OVCH2: variants seen among roughly 807,000 people sequenced by gnomAD.
The protein encoded by OVCH2 is ovochymase 2, also known as ovochymase-2.
In OVCH2, 88 loss-of-function variants were observed where a neutral mutation model predicts 73.7. The ratio of observed to expected loss-of-function variants is 1.19; its 90% CI spans 1.01 to 1.43. The LOEUF is 1.43. Ranked by LOEUF, OVCH2 falls within the 40% of genes most tolerant of loss-of-function variation. The probability of loss-of-function intolerance (pLI) is 0.00; values close to 1 mark genes in which losing one functional copy is unlikely to be tolerated. For synonymous variants in OVCH2, 265 were observed against 234.5 expected (o/e 1.13, Z -1.19); for missense variants, 706 against 674.5 (o/e 1.05, Z -0.52).
At chr11:7,695,468 T>C in intron 11 of OVCH2, 102 bp downstream of exon 11, 1 of 1,189,628 alleles carries the variant, frequency 8.4e-7, no homozygotes, top group South Asian at 1.5e-5. Context: ...TGGAGTCAGT[T>C]GGGCCTTGGG....
chr11:7,683,362 T>G, the OVCH2 span, among the ~76,000 whole-genome samples: 2 of 152,152 alleles, frequency 1.3e-5, no homozygotes, highest in East Asian at 1.9e-4. Context: ...TTGACATCTC[T>G]CTTTCACACC....
intron 7 of OVCH2, chr11:7,700,044 A>G: frequency 2.4e-6 from 1 of 422,544 alleles, no homozygotes; most frequent in Non-Finnish European, 4.2e-6. Context: ...GATAGTTTCA[A>G]TTAAAGGCCA....
downstream of OVCH2, among the ~76,000 whole-genome samples, chr11:7,684,487 T>TATATATATATAC (rs148272247): frequency 2.8e-5 from 4 of 143,426 alleles, no homozygotes; most frequent in East Asian, 2.0e-4. Context: ...TATATATATA[T>TATATATATATAC]ACACACACAT....
At position 7,695,722 on chromosome 11, in the gene OVCH2, G is replaced by GA. The variant is rs1016256057; in HGVS notation, c.1142-13dup. 1.3e-6 allele frequency: 2 copies of GA among 1,588,668 alleles called. No homozygotes were observed. Among genetic ancestry groups the GA allele is most frequent in the Non-Finnish European group, 1.7e-6 (2 of 1,173,014 alleles). On this transcript the variant is annotated splice_polypyrimidine_tract_variant and intron_variant, in intron 10 of 15. Coordinates refer to ENST00000533663, the MANE Select transcript of OVCH2 (RefSeq NM_198185.7). ...TCCACAAAATTTTCCTGCAGGATGA[G>GA]AAAAAAGGATTCTTTGTTCAGAATC...
the OVCH2 span, among the ~76,000 whole-genome samples, chr11:7,679,495 TAGTG>T: frequency 2.2e-3 from 330 of 152,320 alleles, 2 homozygotes; most frequent in African/African-American, 7.4e-3. Context: ...GTTCTCATAA[TAGTG>T]AGTGAGTTCT....
chr11:7,689,428 C>T (rs532751723), downstream of OVCH2: 10 of 295,704 alleles, frequency 3.4e-5, 1 homozygote, highest in South Asian at 2.6e-4. Flanking sequence ...CAAAGTACCA[C>T]AAACTAGGTG....
intron 11 of OVCH2, among the ~76,000 whole-genome samples, 186 bp downstream of exon 11, chr11:7,695,384 G>A (rs1376787590): frequency 6.6e-6 from 1 of 152,176 alleles, no homozygotes; most frequent in Non-Finnish European, 1.5e-5. Flanking sequence ...ATCACTACGA[G>A]CTAGCAGGGT....
chr11:7,680,382 C>G, the OVCH2 span, among the ~76,000 whole-genome samples: 1 of 152,058 alleles, frequency 6.6e-6, no homozygotes. Flanking sequence ...AGGGAAAGAA[C>G]AGGACAAACA....
rs1425482120 is a variant in OVCH2, at chr11:7,702,239, G to A, written c.381C>T (p.Val127=). 3 of 1,612,724 alleles carry A rather than the reference G, an allele frequency of 1.9e-6. No individual in the cohort carries two copies. The highest frequency in any genetic ancestry group is 2.2e-5 in the East Asian group (1 of 44,864). ...PGEQTLTIET[V]IIHPHFSTKK... Reference sequence around the variant, plus strand: ...TGGTGGAGAAATGTGGATGTATGATGACAGTTTCAATAGTGAGAGTTTGCT... The same window carrying A: ...TGGTGGAGAAATGTGGATGTATGATAACAGTTTCAATAGTGAGAGTTTGCT... The change falls in exon 4 of 16, where the codon GTC becomes GTT. Residue 127 remains valine (V), a synonymous_variant. Coordinates refer to ENST00000533663, the MANE Select transcript of OVCH2 (RefSeq NM_198185.7).
At chr11:7,689,891 T>A (rs1182138166) in intron 15 of OVCH2, 33 bp downstream of exon 15, 2 of 1,241,946 alleles carry the variant, frequency 1.6e-6, no homozygotes, top group African/African-American at 3.0e-5. Context: ...GATTATACTC[T>A]GTGTGTATCA....
chr11:7,684,512 G>GCA, downstream of OVCH2, among the ~76,000 whole-genome samples: 1 of 94,298 alleles, frequency 1.1e-5, no homozygotes, highest in African/African-American at 6.4e-5. Context: ...ACATATGTGT[G>GCA]TGTGTGTGTG....
the OVCH2 span, among the ~76,000 whole-genome samples, chr11:7,682,119 T>C: frequency 1.9e-4 from 29 of 152,354 alleles, no homozygotes; most frequent in Admixed American, 3.9e-4. Context: ...TAGAGCTATA[T>C]AGTTTATAAA....
intron 5 of OVCH2, 38 bp from the exon 6 acceptor site, chr11:7,701,513 T>C: frequency 6.3e-7 from 1 of 1,592,140 alleles, no homozygotes; most frequent in Non-Finnish European, 8.5e-7. Context: ...GCAGGAACTC[T>C]TTCACCCTTT....
intron 8 of OVCH2, among the ~76,000 whole-genome samples, chr11:7,698,068 T>C (rs1255088537): frequency 6.6e-6 from 1 of 152,224 alleles, no homozygotes; most frequent in Non-Finnish European, 1.5e-5. Context: ...TTCCTTGAGC[T>C]GGAATATTTT....
chr11:7,683,606 G>A, the OVCH2 span, among the ~76,000 whole-genome samples: 4 of 152,096 alleles, frequency 2.6e-5, no homozygotes, highest in East Asian at 7.7e-4. Context: ...TCCATTTGAT[G>A]TCATCCCATT....
In OVCH2 at chr11:7,696,525, C is replaced by T; in HGVS notation, c.1081G>A (p.Asp361Asn). ...TAACTGTGGTGACAAGACTCAACAT[C>T]TAGGTGGGAAAAACTGAGCAACACA... ...MHVLLSFSHLDVESCHHSYLS... is the reference protein window; with the variant it reads ...MHVLLSFSHLNVESCHHSYLS... Residue 361 changes from aspartate (D) to asparagine (N), a missense_variant, in exon 10 of 16, where the codon GAT (aspartate) becomes AAT (asparagine). Transcript: ENST00000533663. The T allele has an allele frequency of 6.2e-7, 1 of 1,613,992 alleles. No individual in the cohort carries two copies. Among genetic ancestry groups the T allele is most frequent in the South Asian group, 1.1e-5 (1 of 91,082 alleles).
chr11:7,703,930 C>G, intron 2 of OVCH2, 141 bp from the exon 3 acceptor site: 1 of 708,226 alleles, frequency 1.4e-6, no homozygotes, highest in Non-Finnish European at 2.4e-6. Context: ...AAGATAAAGC[C>G]CAGACACTAC....
chr11:7,684,304 T>C, the OVCH2 span, among the ~76,000 whole-genome samples: 1 of 152,036 alleles, frequency 6.6e-6, no homozygotes, highest in Non-Finnish European at 1.5e-5. Flanking sequence ...CACCAGACTT[T>C]GTGTTTGCAT....
At chr11:7,698,836 G>T in intron 7 of OVCH2, 63 bp from the exon 8 acceptor site, 2 of 1,544,078 alleles carry the variant, frequency 1.3e-6, no homozygotes, top group Non-Finnish European at 1.8e-6. Flanking sequence ...GCTTCAAGAA[G>T]TTAGCATCTT....
Sources: allele counts gnomAD v4.1 joint callset (sites outside exome capture counted in the v4.1 genomes callset), GRCh38; gene constraint gnomAD v4.1.1; transcripts MANE v1.5; gene names NCBI Gene and HGNC (gene_info 2026-07-23, HGNC 2026-07-21).